The following ITGA6 variants were observed in gnomAD, a reference collection of about 807,000 sequenced individuals.
ITGA6 encodes the protein integrin alpha-6.
In ITGA6, 63 loss-of-function variants were observed where a neutral mutation model predicts 133.6. The ratio of observed to expected loss-of-function variants is 0.47; its 90% CI spans 0.38 to 0.58. The LOEUF is 0.58. Ranked by LOEUF, ITGA6 falls within the 20% of genes least tolerant of loss-of-function variation. ITGA6 has a pLI of 0.00. For synonymous variants in ITGA6, 434 were observed against 482.0 expected (o/e 0.90, Z 1.30); for missense variants, 1,068 against 1,309.4 (o/e 0.82, Z 2.85).
intron 5 of ITGA6, among the ~76,000 whole-genome samples, chr2:172,471,340 C>G (rs1206086404): frequency 6.6e-6 from 1 of 152,156 alleles, no homozygotes; most frequent in East Asian, 1.9e-4. Flanking sequence ...CCTCTTATCA[C>G]CTAAAATCAT....
In ITGA6 at chr2:172,474,930, T is replaced by C; in HGVS notation, c.988T>C (p.Trp330Arg). Residue 330 changes from tryptophan (W) to arginine (R), a missense_variant and splice_region_variant, in exon 7 of 26, where the codon TGG (tryptophan) becomes CGG (arginine). By Grantham distance (101) the Trp-to-Arg change is moderately radical. This residue lies in a region of ITGA6 where 317 missense variants were observed against 456.9 expected (regional missense o/e 0.69). Coordinates refer to ENST00000684293, the MANE Select transcript of ITGA6 (RefSeq NM_000210.4). ...TCTTTCCCCTCATTATGTTTTTAGG[T>C]GGCAAGATATAGTTATTGGAGCCCC... The part of the protein sequence containing the change: ...VAVVDLNKDG[W>R]QDIVIGAPQY... The C allele has an allele frequency of 6.6e-7, 1 of 1,511,142 alleles. No homozygotes were observed. Among genetic ancestry groups the C allele is most frequent in the Non-Finnish European group, 9.2e-7 (1 of 1,086,162 alleles). The allele number at this position is 1,511,142 out of a possible 1,614,324, so 93.6% of individuals were successfully genotyped here. A position where few individuals can be genotyped will look rare whatever the true frequency, so the allele number is the denominator to read the frequency against.
At chr2:172,451,624 G>T (rs1330919283) in intron 1 of ITGA6, among the ~76,000 whole-genome samples, 1 of 152,176 alleles carries the variant, frequency 6.6e-6, no homozygotes, top group Non-Finnish European at 1.5e-5. Flanking sequence ...GAAAAGAGGT[G>T]TTTTGAGAGT....
chr2:172,497,371 G>A (rs564855142), intron 23 of ITGA6, among the ~76,000 whole-genome samples: 2 of 152,030 alleles, frequency 1.3e-5, no homozygotes, highest in Middle Eastern at 3.4e-3. Flanking sequence ...GGTGGCATGC[G>A]CCTGTAGTCC....
At chr2:172,471,852 G>GA (rs556133089) in intron 5 of ITGA6, among the ~76,000 whole-genome samples, 3 of 144,356 alleles carry the variant, frequency 2.1e-5, no homozygotes, top group Admixed American at 1.4e-4. Context: ...GCATTTCTTG[G>GA]AAAAAATGTA....
At chr2:172,484,646 A>T (rs941026766) in intron 11 of ITGA6, 136 bp from the exon 12 acceptor site, 2 of 746,488 alleles carry the variant, frequency 2.7e-6, no homozygotes, top group African/African-American at 1.7e-5. Flanking sequence ...GTGCAAATGC[A>T]TATTACCAGG....
chr2:172,475,167 ATTGT>A, intron 7 of ITGA6, 45 bp downstream of exon 7: 7 of 1,255,974 alleles, frequency 5.6e-6, no homozygotes, highest in Non-Finnish European at 8.2e-6. Flanking sequence ...AGATTATTTG[ATTGT>A]TTAAATAATA....
In ITGA6 at chr2:172,467,487, C is replaced by T; in HGVS notation, c.314C>T (p.Pro105Leu). 1 of 1,613,126 alleles carries T rather than the reference C, an allele frequency of 6.2e-7. No homozygotes were observed. The highest frequency in any genetic ancestry group is 8.5e-7 in the Non-Finnish European group (1 of 1,179,256). The change falls in exon 3 of 26, where the codon CCC (proline) becomes CTC (leucine). Residue 105 changes from proline to leucine, a missense_variant. Pro to Leu is a moderately conservative substitution (Grantham distance 98). This residue lies in a region of ITGA6 where 142 missense variants were observed against 145.3 expected (regional missense o/e 0.98). Coordinates refer to ENST00000684293, the MANE Select transcript of ITGA6 (RefSeq NM_000210.4). ...ACTATGCTCCTTTCTACAGCTGACC[C>T]CACGTCAGAAAGCAAGGAAGATCAG... Reference protein sequence around the residue: ...TRIEFDNDADPTSESKEDQWM... With the variant: ...TRIEFDNDADLTSESKEDQWM...
chr2:172,505,588 T>TAATTA lies in ITGA6; in HGVS notation c.*1521_*1525dup, dbSNP rs1687527035. 1.3e-5 allele frequency: 2 copies of TAATTA among 152,634 alleles called. No homozygotes were observed. Among genetic ancestry groups the TAATTA allele is most frequent in the Non-Finnish European group, 2.9e-5 (2 of 68,028 alleles). The allele number at this position is 152,634 out of a possible 1,614,324, so 9.5% of individuals were successfully genotyped here. ...AATAGATATGAAAGCTGATTTTTTT[T>TAATTA]AATTACCATGCTTCACAATGTTAAG... On this transcript the variant is annotated 3_prime_UTR_variant, in exon 26 of 26. Coordinates refer to ENST00000684293, the MANE Select transcript of ITGA6 (RefSeq NM_000210.4).
rs115161723 is a variant in ITGA6 at position 172,470,726 on chromosome 2, A to G, written c.644-248A>G. 4.8e-3 allele frequency among the ~76,000 whole-genome samples: 733 copies of G among 152,298 alleles called. 7 individuals are homozygous for G. The highest frequency in any genetic ancestry group is 0.017 in the African/African-American group (692 of 41,570). ...AACCTTCCATTTTTCATCTAGTTTC[A>G]TGGCATTATAAAGATAGTTCATGAA... On this transcript the variant is annotated intron_variant, in intron 4 of 25. Coordinates refer to ENST00000684293, the MANE Select transcript of ITGA6 (RefSeq NM_000210.4).
chr2:172,471,182 G>A, intron 5 of ITGA6, 77 bp downstream of exon 5: 2 of 1,557,780 alleles, frequency 1.3e-6, no homozygotes, highest in Non-Finnish European at 1.8e-6. Context: ...AGGGCCTATG[G>A]CCCCTGGACT....
intron 1 of ITGA6, chr2:172,465,332 T>C: frequency 3.1e-6 from 2 of 638,300 alleles, no homozygotes; most frequent in Non-Finnish European, 5.6e-6. Context: ...GTATCCCCTC[T>C]TTGGCTTCCC....
At chr2:172,498,624 A>T (rs1687227659) in intron 24 of ITGA6, among the ~76,000 whole-genome samples, 1 of 152,256 alleles carries the variant, frequency 6.6e-6, no homozygotes, top group African/African-American at 2.4e-5. Context: ...TCTAGGTTCA[A>T]TATGATGTTC....
At chr2:172,445,026 C>T (rs1008659528) in intron 1 of ITGA6, among the ~76,000 whole-genome samples, 4 of 151,922 alleles carry the variant, frequency 2.6e-5, no homozygotes, top group Non-Finnish European at 4.4e-5. Context: ...AGTGCAGTGG[C>T]GGGCTCTTGG....
At chr2:172,427,579 A>T, upstream of ITGA6, 1 of 1,249,922 alleles carries the variant, frequency 8.0e-7, no homozygotes, top group Non-Finnish European at 1.0e-6. Context: ...GCGAGTCTCC[A>T]GAGAACAACG....
chr2:172,471,151 C>A, intron 5 of ITGA6, 46 bp downstream of exon 5: 1 of 1,612,028 alleles, frequency 6.2e-7, no homozygotes, highest in South Asian at 1.1e-5. Flanking sequence ...TTCTCAGATA[C>A]CTTGTGTGAA....
intron 9 of ITGA6, 27 bp downstream of exon 9, chr2:172,476,540 A>G: frequency 2.3e-6 from 3 of 1,281,492 alleles, no homozygotes; most frequent in Non-Finnish European, 3.4e-6. Flanking sequence ...TTTAGTGTTA[A>G]GCATGTTCTA....
chr2:172,440,923 T>C (rs558325172), intron 1 of ITGA6, among the ~76,000 whole-genome samples: 4 of 152,370 alleles, frequency 2.6e-5, no homozygotes, highest in African/African-American at 7.2e-5. Flanking sequence ...GAGGCTTGAT[T>C]TGTGGCTTGA....
intron 23 of ITGA6, among the ~76,000 whole-genome samples, chr2:172,494,194 T>C (rs1687035550): frequency 6.6e-6 from 1 of 152,204 alleles, no homozygotes; most frequent in African/African-American, 2.4e-5. Context: ...AAAAAACTTT[T>C]TTGTTTCTTT....
rs779091784 is a variant in ITGA6, at chr2:172,479,704, C to T, written c.1452C>T (p.Arg484=). The part of the protein sequence containing the change: ...ITVTPNRIDL[R]QKTACGAPSG... ...TAACTCCTAACAGAATTGACCTCCGCCAGAAAACAGCGTGTGGGGCGCCTA... is the reference window on the plus strand; with the variant it reads ...TAACTCCTAACAGAATTGACCTCCGTCAGAAAACAGCGTGTGGGGCGCCTA... Residue 484 remains arginine (R), a synonymous_variant, in exon 10 of 26, where the codon CGC becomes CGT. Transcript: ENST00000684293. 3.2e-5 allele frequency: 52 copies of T among 1,613,782 alleles called. 2 individuals are homozygous for T. The South Asian group carries it at 5.5e-4, about 17-fold the overall frequency.
Sources: allele counts gnomAD v4.1 joint callset (sites outside exome capture counted in the v4.1 genomes callset), GRCh38; gene constraint gnomAD v4.1.1; regional missense constraint gnomAD v4.1.1; transcripts MANE v1.5; gene names NCBI Gene and HGNC (gene_info 2026-07-23, HGNC 2026-07-21).